The following ITIH2 variants were observed in gnomAD, a reference collection of about 807,000 sequenced individuals.
The protein encoded by ITIH2 is inter-alpha-trypsin inhibitor heavy chain H2.
A neutral mutation model predicts 104.4 loss-of-function variants in ITIH2; 103 were observed. The observed-to-expected ratio is 0.99, with a 90% confidence interval of 0.84 to 1.16. The LOEUF (loss-of-function observed/expected upper bound fraction) is 1.16. Ranked by LOEUF, ITIH2 falls within the 50% of genes most tolerant of loss-of-function variation. The probability of loss-of-function intolerance (pLI) is 0.00; values close to 1 mark genes in which losing one functional copy is unlikely to be tolerated. For synonymous variants in ITIH2, 436 were observed against 435.4 expected (o/e 1.00, Z -0.02); for missense variants, 1,108 against 1,162.4 (o/e 0.95, Z 0.68).
intron 7 of ITIH2, among the ~76,000 whole-genome samples, chr10:7,721,195 G>A (rs146549335): frequency 4.5e-4 from 68 of 152,124 alleles, no homozygotes; most frequent in African/African-American, 1.4e-3. Flanking sequence ...TCATTTCCCC[G>A]TCAGTCACCT....
chr10:7,713,706 A>AGTT (rs1013972994), intron 5 of ITIH2, among the ~76,000 whole-genome samples: 90 of 151,884 alleles, frequency 5.9e-4, no homozygotes, highest in African/African-American at 2.0e-3. Context: ...TTTTAATTGT[A>AGTT]GTTGTTGTTG....
chr10:7,725,899 A>G (rs1458169270), intron 9 of ITIH2, among the ~76,000 whole-genome samples: 1 of 152,216 alleles, frequency 6.6e-6, no homozygotes, highest in Non-Finnish European at 1.5e-5. Context: ...TGGGAAGAAG[A>G]GGATAATTGG....
At chr10:7,746,966 C>T (rs1290063430) in intron 20 of ITIH2, among the ~76,000 whole-genome samples, 1 of 152,144 alleles carries the variant, frequency 6.6e-6, no homozygotes, top group Non-Finnish European at 1.5e-5. Flanking sequence ...TTTAGAAGCC[C>T]TCACAAGAGC....
At chr10:7,725,450 G>A (rs974068122) in intron 9 of ITIH2, among the ~76,000 whole-genome samples, 6 of 152,202 alleles carry the variant, frequency 3.9e-5, no homozygotes, top group African/African-American at 1.4e-4. Flanking sequence ...GAAGTGAGAG[G>A]CAAGGTGGCT....
chr10:7,732,731 A>T (rs185686753), intron 14 of ITIH2, among the ~76,000 whole-genome samples: 2 of 151,728 alleles, frequency 1.3e-5, no homozygotes, highest in African/African-American at 2.4e-5. Context: ...TTATTTATTT[A>T]TTTTTATTTT....
chr10:7,727,011 T>C lies in ITIH2; in HGVS notation c.1046T>C (p.Ile349Thr). The C allele has an allele frequency of 1.2e-6, 2 of 1,614,070 alleles. No homozygotes were observed. Among genetic ancestry groups the C allele is most frequent in the East Asian group, 2.2e-5 (1 of 44,884 alleles). ...AGAGCAGAAGACCATTTCTCTGTGATTGATTTCAACCAGAACATTCGAACT... is the reference window on the plus strand; with the variant it reads ...AGAGCAGAAGACCATTTCTCTGTGACTGATTTCAACCAGAACATTCGAACT... ...DLRAEDHFSVIDFNQNIRTWR... is the reference protein window; with the variant it reads ...DLRAEDHFSVTDFNQNIRTWR... The change falls in exon 10 of 21, where the codon ATT becomes ACT. Residue 349 changes from isoleucine to threonine, a missense_variant. Physicochemically the swap from Ile to Thr is moderately conservative, Grantham distance 89. Transcript: ENST00000358415.
intron 15 of ITIH2, among the ~76,000 whole-genome samples, chr10:7,735,969 G>A (rs1835052070): frequency 6.6e-6 from 1 of 152,088 alleles, no homozygotes; most frequent in Admixed American, 6.6e-5. Context: ...CACCGTGCCT[G>A]ACCATATCAC....
intron 16 of ITIH2, among the ~76,000 whole-genome samples, chr10:7,740,682 T>G (rs949703488): frequency 3.9e-5 from 6 of 152,204 alleles, no homozygotes; most frequent in Non-Finnish European, 7.3e-5. Context: ...GATGAGGACT[T>G]CAAAGTTAGA....
intron 5 of ITIH2, among the ~76,000 whole-genome samples, chr10:7,717,050 T>A (rs1564299780): frequency 6.6e-6 from 1 of 151,462 alleles, no homozygotes; most frequent in South Asian, 2.1e-4. Context: ...TGGGTCCTGG[T>A]TCAAGCATTT....
rs117362323 is a variant in ITIH2, at chr10:7,746,794, G to A, written c.2693+90G>A. On this transcript the variant is annotated intron_variant, in intron 20 of 20. Transcript: ENST00000358415. Reference sequence around the variant, plus strand: ...AATAGAGGAGCAAAGAAGAAGTGTCGTAGGCACTACCTACATCACACTAAG... The same window carrying A: ...AATAGAGGAGCAAAGAAGAAGTGTCATAGGCACTACCTACATCACACTAAG... 3.5e-4 allele frequency: 270 copies of A among 763,970 alleles called. 3 individuals are homozygous for A. The East Asian group carries it at 4.2e-3, about 12-fold the overall frequency. 47.3% of individuals were successfully genotyped at this position (763,970 alleles called of 1,614,324 possible).
chr10:7,736,377 T>C (rs936971169), intron 15 of ITIH2, among the ~76,000 whole-genome samples: 4 of 152,110 alleles, frequency 2.6e-5, no homozygotes, highest in African/African-American at 2.4e-5. Flanking sequence ...AAAAAAATTA[T>C]TGGAAGTTTT....
Position 7,749,395 on chromosome 10 carries a change from G to C in ITIH2, c.*61G>C. 7.1e-7 allele frequency: 1 copy of C among 1,399,670 alleles called. No homozygotes were observed. The highest frequency in any genetic ancestry group is 9.9e-7 in the Non-Finnish European group (1 of 1,011,358). The allele number at this position is 1,399,670 out of a possible 1,614,324, so 86.7% of individuals were successfully genotyped here. A position where few individuals can be genotyped will look rare whatever the true frequency, so the allele number is the denominator to read the frequency against. ...ACATCTTTCCCCTGTCACTTTTGCA[G>C]ATATTCTTCGGTTTGAATAATTAAA... is the stretch of plus-strand genomic sequence containing the variant. On this transcript the variant is annotated 3_prime_UTR_variant, in exon 21 of 21. Coordinates refer to ENST00000358415, the MANE Select transcript of ITIH2 (RefSeq NM_002216.3).
chr10:7,703,477 G>T lies in ITIH2; in HGVS notation c.43G>T (p.Glu15Ter), dbSNP rs1231795501. The T allele has an allele frequency of 6.2e-7, 1 of 1,613,770 alleles. No homozygotes were observed. Among genetic ancestry groups the T allele is most frequent in the Admixed American group, 1.7e-5 (1 of 59,986 alleles). The part of the protein sequence containing the change: ...TCFFICFFLS[E>*]VSGFEIPING... ...CTTTTTCATCTGCTTCTTTCTTTCTGAAGTATCAGGCTTCGAAATCCCCAT... is the reference window on the plus strand; with the variant it reads ...CTTTTTCATCTGCTTCTTTCTTTCTTAAGTATCAGGCTTCGAAATCCCCAT... Residue 15 changes from glutamate (E) to a stop codon, truncating the protein, a stop_gained, in exon 1 of 21, where the codon GAA becomes TAA. Coordinates refer to ENST00000358415, the MANE Select transcript of ITIH2 (RefSeq NM_002216.3). LOFTEE classifies it high-confidence loss of function.
intron 4 of ITIH2, 35 bp downstream of exon 4, chr10:7,709,226 G>T (rs759137180): frequency 1.9e-6 from 3 of 1,586,418 alleles, no homozygotes; most frequent in South Asian, 1.1e-5. Flanking sequence ...GAAATTGTAG[G>T]TGCTCTACTC....
intron 10 of ITIH2, 107 bp downstream of exon 10, chr10:7,727,225 G>A: frequency 1.1e-6 from 1 of 880,214 alleles, no homozygotes; most frequent in Non-Finnish European, 1.7e-6. Flanking sequence ...CAGCATTCGA[G>A]GGCCTATCTT....
chr10:7,718,783 G>T (rs562290198), intron 6 of ITIH2, among the ~76,000 whole-genome samples: 2 of 152,134 alleles, frequency 1.3e-5, no homozygotes, highest in Non-Finnish European at 2.9e-5. Flanking sequence ...GCAGTACTTG[G>T]TTTCCTGTTC....
At chr10:7,740,382 A>C (rs914585472) in intron 16 of ITIH2, among the ~76,000 whole-genome samples, 9 of 152,166 alleles carry the variant, frequency 5.9e-5, no homozygotes, top group African/African-American at 2.2e-4. Context: ...CAGAAGTCTC[A>C]GTTAACAGCG....
At position 7,732,076 on chromosome 10, in the gene ITIH2, C is replaced by T. The variant is rs1020316881; in HGVS notation, c.1647+80C>T. The T allele has an allele frequency of 3.5e-6, 4 of 1,155,746 alleles. No individual in the cohort carries two copies. In the South Asian group the frequency reaches 5.6e-5, roughly 16 times the overall value. 71.6% of individuals were successfully genotyped at this position (1,155,746 alleles called of 1,614,324 possible). On this transcript the variant is annotated intron_variant, in intron 13 of 20. Transcript: ENST00000358415. ...CCTCTTGAATGTCAGCTCTGCCTGCCTGGAATCATGGGTGTAGAACAGAAG... is the reference window on the plus strand; with the variant it reads ...CCTCTTGAATGTCAGCTCTGCCTGCTTGGAATCATGGGTGTAGAACAGAAG...
chr10:7,729,976 A>G lies in ITIH2; in HGVS notation c.1304A>G (p.Gln435Arg). ...TVGELKLSKI[Q>R]KNVKENIQDN... ...GGCGAACTAAAACTGTCAAAAATTC[A>G]GAAAAACGTTAAGGAGAACATCCAA... Residue 435 changes from glutamine (Q) to arginine (R), a missense_variant, in exon 12 of 21, where the codon CAG becomes CGG. Transcript: ENST00000358415. The G allele has an allele frequency of 6.2e-7, 1 of 1,604,758 alleles. No homozygotes were observed. The highest frequency in any genetic ancestry group is 8.5e-7 in the Non-Finnish European group (1 of 1,176,716).
Sources: allele counts gnomAD v4.1 joint callset (sites outside exome capture counted in the v4.1 genomes callset), GRCh38; gene constraint gnomAD v4.1.1; transcripts MANE v1.5; gene names NCBI Gene and HGNC (gene_info 2026-07-23, HGNC 2026-07-21).